The following RIPK2 variants were observed in gnomAD, a reference collection of about 807,000 sequenced individuals.
RIPK2 encodes the protein receptor interacting serine/threonine kinase 2.
RIPK2 carries 38 observed loss-of-function variants against 60.9 expected under a neutral mutation model. That is an observed-to-expected ratio of 0.62 (90% CI 0.48 to 0.82). The LOEUF (loss-of-function observed/expected upper bound fraction) is 0.82. RIPK2 is among the 40% of genes least tolerant of loss of function. The pLI is 0.00. For missense variants in RIPK2, 518 were observed against 647.0 expected (o/e 0.80, Z 2.16); for synonymous variants, 225 against 223.4 (o/e 1.01, Z -0.06).
At chr8:89,779,112 TTTAC>T (rs1161608739) in intron 6 of RIPK2, among the ~76,000 whole-genome samples, 1 of 152,142 alleles carries the variant, frequency 6.6e-6, no homozygotes, top group African/African-American at 2.4e-5. Flanking sequence ...ATTCAAATCT[TTTAC>T]TTGTTTTTTA....
At chr8:89,781,114 T>G (rs974942291) in intron 7 of RIPK2, among the ~76,000 whole-genome samples, 3 of 151,956 alleles carry the variant, frequency 2.0e-5, no homozygotes, top group African/African-American at 7.2e-5. Flanking sequence ...TTAGCCAAAC[T>G]CTTGGGGTGT....
At chr8:89,785,673 C>T (rs1424082184) in intron 8 of RIPK2, among the ~76,000 whole-genome samples, 1 of 151,998 alleles carries the variant, frequency 6.6e-6, no homozygotes, top group African/African-American at 2.4e-5. Context: ...GATATTAAAC[C>T]TGTAGTATCT....
Position 89,790,760 on chromosome 8 carries a change from A to C in RIPK2, c.*344A>C. 5.0e-6 allele frequency: 1 copy of C among 199,740 alleles called. No individual in the cohort carries two copies. The highest frequency in any genetic ancestry group is 9.7e-5 in the South Asian group (1 of 10,296). The allele number at this position is 199,740 out of a possible 1,614,324, so 12.4% of individuals were successfully genotyped here. On this transcript the variant is annotated 3_prime_UTR_variant, in exon 11 of 11. Transcript: ENST00000220751. ...TCATGGATTATTTGTTACTTGTCTA[A>C]GATGCAATTTGATTTTATGAAGTAT...
intron 8 of RIPK2, among the ~76,000 whole-genome samples, chr8:89,784,531 C>A (rs73694488): frequency 0.03 from 4,558 of 152,258 alleles, 184 homozygotes; most frequent in African/African-American, 0.089. Context: ...GAAGAAAGAT[C>A]TCTTTAGTAG....
intron 9 of RIPK2, 92 bp from the exon 10 acceptor site, chr8:89,789,229 G>A: frequency 9.4e-7 from 1 of 1,068,064 alleles, no homozygotes. Context: ...AGACATTGGA[G>A]CCTACCTTCT....
chr8:89,762,941 G>A lies in RIPK2; in HGVS notation c.286G>A (p.Glu96Lys). 3.2e-6 allele frequency: 5 copies of A among 1,540,430 alleles called. No individual in the cohort carries two copies. Among genetic ancestry groups the A allele is most frequent in the Non-Finnish European group, 4.4e-6 (5 of 1,136,712 alleles). ...NEPEFLGIVT[E>K]YMPNGSLNEL... ...GCCTGAATTTTTGGGAATAGTTACTGAATACATGCCAAATGGATCATTAAA... is the reference window on the plus strand; with the variant it reads ...GCCTGAATTTTTGGGAATAGTTACTAAATACATGCCAAATGGATCATTAAA... The change falls in exon 2 of 11, where the codon GAA becomes AAA. Residue 96 changes from glutamate to lysine, a missense_variant. Glu to Lys is a moderately conservative substitution (Grantham distance 56). Transcript: ENST00000220751.
rs1182575298 is a variant in RIPK2, at chr8:89,789,300, TG to T, written c.1124-20del. The stretch of plus-strand genomic sequence containing the variant: ...TTTCTAAGGAGTATTCTACTTCTAA[TG>T]AAGATGTTGTATTTTGTAGGAAAAG... On this transcript the variant is annotated intron_variant, in intron 9 of 10. Transcript: ENST00000220751. The T allele has an allele frequency of 6.2e-7, 1 of 1,607,644 alleles. No homozygotes were observed.
chr8:89,761,412 C>T (rs187113987), intron 1 of RIPK2, among the ~76,000 whole-genome samples: 2 of 152,070 alleles, frequency 1.3e-5, no homozygotes, highest in African/African-American at 4.8e-5. Context: ...GTCACTACAA[C>T]GCGGGCATTC....
At chr8:89,768,113 T>C (rs39764) in intron 3 of RIPK2, among the ~76,000 whole-genome samples, 39,735 of 151,436 alleles carry the variant, frequency 0.26, 6,264 homozygotes, top group Non-Finnish European at 0.36. Context: ...GGGGTAGTCA[T>C]ATCACATAGT....
chr8:89,774,104 A>G (rs1033256663), intron 6 of RIPK2, among the ~76,000 whole-genome samples: 1 of 147,970 alleles, frequency 6.8e-6, no homozygotes, highest in Non-Finnish European at 1.5e-5. Context: ...TCCAAGAAGG[A>G]AAAAAAAAAG....
chr8:89,769,236 G>A (rs1809276049), intron 3 of RIPK2, among the ~76,000 whole-genome samples: 1 of 151,766 alleles, frequency 6.6e-6, no homozygotes, highest in Non-Finnish European at 1.5e-5. Flanking sequence ...ACTTCTTTTA[G>A]TGATCAGCAT....
chr8:89,757,977 T>C lies in RIPK2; in HGVS notation c.-84T>C, dbSNP rs1464278270. The C allele has an allele frequency of 3.4e-6, 5 of 1,451,078 alleles. No individual in the cohort carries two copies. Among genetic ancestry groups the C allele is most frequent in the Admixed American group, 2.5e-5 (1 of 39,630 alleles). The allele number at this position is 1,451,078 out of a possible 1,614,324, so 89.9% of individuals were successfully genotyped here. On this transcript the variant is annotated 5_prime_UTR_variant, in exon 1 of 11. Transcript: ENST00000220751. The stretch of plus-strand genomic sequence containing the variant: ...CCGGCCTCGCTCGTGCAGGGGCGTA[T>C]CTGGGCGCCTGAGCGCGGCGTGGGA...
chr8:89,785,704 T>C (rs988213459), intron 8 of RIPK2, among the ~76,000 whole-genome samples: 2 of 152,196 alleles, frequency 1.3e-5, no homozygotes, highest in Non-Finnish European at 2.9e-5. Context: ...CCTTAAAGCA[T>C]AGTATATCAC....
chr8:89,780,046 C>T (rs748458084), intron 6 of RIPK2, 29 bp from the exon 7 acceptor site: 3 of 1,138,828 alleles, frequency 2.6e-6, no homozygotes, highest in Non-Finnish European at 3.9e-6. Context: ...GCAATCTGAA[C>T]TCAACCTGTA....
At chr8:89,769,319 G>A (rs1468992210) in intron 3 of RIPK2, among the ~76,000 whole-genome samples, 1 of 151,644 alleles carries the variant, frequency 6.6e-6, no homozygotes, top group Non-Finnish European at 1.5e-5. Context: ...CTACCTTTAG[G>A]GCATTATTAA....
rs1184221321 is a variant in RIPK2, at chr8:89,770,078, T to C, written c.641+149T>C. The C allele has an allele frequency of 8.6e-6, 5 of 580,838 alleles. No homozygotes were observed. In the East Asian group the frequency reaches 1.4e-4, roughly 16 times the overall value. The allele number at this position is 580,838 out of a possible 1,614,324, so 36.0% of individuals were successfully genotyped here. A position where few individuals can be genotyped will look rare whatever the true frequency, so the allele number is the denominator to read the frequency against. On this transcript the variant is annotated intron_variant, in intron 4 of 10. Transcript: ENST00000220751. ...AAACTTGAGGCCCCACGGTGATTAATATTTTTCAAATTAAGGAAATTTAAT... is the reference window on the plus strand; with the variant it reads ...AAACTTGAGGCCCCACGGTGATTAACATTTTTCAAATTAAGGAAATTTAAT...
chr8:89,761,529 C>G (rs936841124), intron 1 of RIPK2, among the ~76,000 whole-genome samples: 4 of 151,996 alleles, frequency 2.6e-5, no homozygotes, highest in Non-Finnish European at 5.9e-5. Flanking sequence ...CAAACTCTAC[C>G]ACTTTCTACT....
intron 9 of RIPK2, 127 bp downstream of exon 9, chr8:89,786,813 C>A (rs1242678140): frequency 1.5e-6 from 1 of 661,116 alleles, no homozygotes; most frequent in African/African-American, 1.9e-5. Context: ...TGTAAAGCGA[C>A]AGAGTCTAAA....
intron 6 of RIPK2, among the ~76,000 whole-genome samples, chr8:89,775,632 A>G (rs1477149182): frequency 1.3e-5 from 2 of 152,202 alleles, no homozygotes; most frequent in Non-Finnish European, 2.9e-5. Context: ...TGCAAGTGAT[A>G]CTGTTTACAT....
Sources: gnomAD v4.1 joint callset for allele counts (sites outside exome capture counted in the v4.1 genomes callset) on GRCh38, gnomAD v4.1.1 for gene constraint, MANE v1.5 for transcripts, NCBI Gene and HGNC (gene_info 2026-07-23, HGNC 2026-07-21) for gene names.